Variants in FEZ2 observed in about 807,000 individuals in gnomAD.
The protein encoded by FEZ2 is fasciculation and elongation protein zeta-2.
FEZ2 carries 51 observed loss-of-function variants against 40.4 expected under a neutral mutation model. The observed-to-expected ratio is 1.26, with a 90% CI of 1.01 to 1.59. The LOEUF (loss-of-function observed/expected upper bound fraction) is 1.59, where lower values mean the gene tolerates loss of function less well. Ranked by LOEUF, FEZ2 falls within the 40% of genes most tolerant of loss-of-function variation. The pLI, the probability that FEZ2 is intolerant of heterozygous loss-of-function variation, is 0.00. For synonymous variants in FEZ2, 242 were observed against 172.0 expected, an observed-to-expected ratio of 1.41 and a Z score of -3.18; for missense variants, 640 against 438.3, an observed-to-expected ratio of 1.46 and a Z score of -4.11.
intron 7 of FEZ2, 75 bp from the exon 8 acceptor site, chr2:36,553,254 T>A: frequency 9.1e-7 from 1 of 1,103,730 alleles, no homozygotes. Context: ...ATTTTACATG[T>A]ACATTTAAAA....
At chr2:36,580,838 AT>A (rs988234633) in intron 4 of FEZ2, among the ~76,000 whole-genome samples, 5 of 152,174 alleles carry the variant, frequency 3.3e-5, no homozygotes, top group Non-Finnish European at 7.3e-5. Flanking sequence ...CCCTAATCCA[AT>A]ATGATTGCTG....
Position 36,578,496 on chromosome 2 carries a change from T to TGCC in FEZ2, c.903+98_903+100dup, listed in dbSNP as rs1668638821. On this transcript the variant is annotated intron_variant, in intron 5 of 7. Transcript: ENST00000405912. ...CTCTGATTAGAAGTGTTAACACTCC[T>TGCC]GCCCATGTACAACCTGTCGCACCTG... 4 of 1,191,880 alleles carry TGCC rather than the reference T, an allele frequency of 3.4e-6. No homozygotes were observed. The African/African-American group carries it at 4.6e-5, about 14-fold the overall frequency. 73.8% of individuals were successfully genotyped at this position (1,191,880 alleles called of 1,614,324 possible).
At chr2:36,580,182 C>T (rs1357127560) in intron 4 of FEZ2, among the ~76,000 whole-genome samples, 2 of 152,208 alleles carry the variant, frequency 1.3e-5, no homozygotes, top group African/African-American at 4.8e-5. Flanking sequence ...CAAACCAATA[C>T]AGATTTTAGT....
chr2:36,584,374 C>T (rs2125237866), intron 2 of FEZ2, among the ~76,000 whole-genome samples: 1 of 152,324 alleles, frequency 6.6e-6, no homozygotes, highest in East Asian at 1.9e-4. Context: ...TGGGGGATTG[C>T]ACCACATCAA....
Position 36,552,526 on chromosome 2 carries a change from A to G in FEZ2, c.*637T>C. 4.2e-6 allele frequency: 1 copy of G among 240,302 alleles called. No individual in the cohort carries two copies. The highest frequency in any genetic ancestry group is 4.9e-5 in the South Asian group (1 of 20,552). The allele number at this position is 240,302 out of a possible 1,614,324, so 14.9% of individuals were successfully genotyped here. A position where few individuals can be genotyped will look rare whatever the true frequency, so the allele number is the denominator to read the frequency against. On this transcript the variant is annotated 3_prime_UTR_variant, in exon 8 of 8. Coordinates refer to ENST00000405912, the MANE Select transcript of FEZ2 (RefSeq NM_005102.3). ...TTGAAAATCAAAACTTAAATACAAG[A>G]TTCTAAAAGTGAATGGCAATTTAAT...
At chr2:36,597,622 A>C (rs2148356135) in intron 1 of FEZ2, among the ~76,000 whole-genome samples, 1 of 151,946 alleles carries the variant, frequency 6.6e-6, no homozygotes, top group East Asian at 1.9e-4. Context: ...TCTAATACAA[A>C]CGAGGGTTTG....
chr2:36,564,516 G>A (rs1668179085), intron 5 of FEZ2, among the ~76,000 whole-genome samples: 3 of 152,022 alleles, frequency 2.0e-5, no homozygotes, highest in Non-Finnish European at 1.5e-5. Context: ...CAGCATAAGG[G>A]GGCACAAAAA....
chr2:36,592,587 C>T (rs1404996773), intron 1 of FEZ2, among the ~76,000 whole-genome samples: 1 of 142,728 alleles, frequency 7.0e-6, no homozygotes, highest in African/African-American at 2.6e-5. Flanking sequence ...GGGAGGATTG[C>T]TTGAAGCCAG....
At chr2:36,566,945 G>GACACAC (rs35402959) in intron 5 of FEZ2, among the ~76,000 whole-genome samples, 12 of 150,782 alleles carry the variant, frequency 8.0e-5, no homozygotes, top group African/African-American at 2.7e-4. Context: ...CATACGCATA[G>GACACAC]ACACACACAC....
At chr2:36,586,784 A>G (rs1179947767) in intron 2 of FEZ2, among the ~76,000 whole-genome samples, 2 of 152,128 alleles carry the variant, frequency 1.3e-5, no homozygotes, top group Admixed American at 6.6e-5. Context: ...CTACAGAAAT[A>G]TATTTTCTTA....
intron 1 of FEZ2, among the ~76,000 whole-genome samples, chr2:36,596,279 G>T (rs567380789): frequency 1.3e-5 from 2 of 152,304 alleles, no homozygotes; most frequent in East Asian, 3.9e-4. Context: ...CACTCCCAAG[G>T]CTGTCTTTAC....
chr2:36,566,747 C>G (rs1462637047), intron 5 of FEZ2, among the ~76,000 whole-genome samples: 1 of 152,190 alleles, frequency 6.6e-6, no homozygotes, highest in Non-Finnish European at 1.5e-5. Context: ...GATCTGGGTT[C>G]TTTCCCAGCT....
chr2:36,563,720 A>T (rs941183046), intron 5 of FEZ2, among the ~76,000 whole-genome samples: 1 of 151,932 alleles, frequency 6.6e-6, no homozygotes, highest in East Asian at 1.9e-4. Context: ...TTCCTTTCCC[A>T]AGGTTTTCCT....
intron 6 of FEZ2, chr2:36,557,762 A>G (rs1044384174): frequency 2.0e-5 from 3 of 152,150 alleles, no homozygotes; most frequent in African/African-American, 7.2e-5. Flanking sequence ...ATCCCTGAAA[A>G]TAACAGGGAT....
At chr2:36,588,942 T>C (rs766055633) in intron 2 of FEZ2, among the ~76,000 whole-genome samples, 53 of 152,350 alleles carry the variant, frequency 3.5e-4, no homozygotes, top group Non-Finnish European at 6.2e-4. Context: ...AACTCTTCTA[T>C]GCTATTTTTT....
intron 3 of FEZ2, among the ~76,000 whole-genome samples, chr2:36,582,696 C>T (rs1216319177): frequency 1.3e-5 from 2 of 152,202 alleles, no homozygotes; most frequent in Non-Finnish European, 2.9e-5. Context: ...CCAAGCTTGC[C>T]ATAATGTATC....
In FEZ2 at chr2:36,578,717, A is replaced by G. The variant is rs1184399434; in HGVS notation, c.783T>C (p.Ser261=). The G allele has an allele frequency of 6.2e-7, 1 of 1,613,934 alleles. No homozygotes were observed. The highest frequency in any genetic ancestry group is 1.3e-5 in the African/African-American group (1 of 75,002). ...FEKEVKNSFI[S]VLIEVQNKQK... ...GTTTGTTTTGCACTTCAATAAGAACAGAAATAAAGCTGTTTTTCACTTCCT... is the reference window on the plus strand; with the variant it reads ...GTTTGTTTTGCACTTCAATAAGAACGGAAATAAAGCTGTTTTTCACTTCCT... Residue 261 remains serine, a synonymous_variant, in exon 5 of 8, where the codon TCT becomes TCC. Transcript: ENST00000405912.
intron 6 of FEZ2, chr2:36,557,680 G>A (rs929686570): frequency 6.6e-6 from 1 of 151,978 alleles, no homozygotes; most frequent in African/African-American, 2.4e-5. Flanking sequence ...TTTACTGTGA[G>A]GTAAATAGAA....
intron 5 of FEZ2, 80 bp from the exon 6 acceptor site, chr2:36,558,593 G>C: frequency 1.4e-6 from 1 of 713,328 alleles, no homozygotes; most frequent in Non-Finnish European, 2.2e-6. Flanking sequence ...TTACTAGAAG[G>C]TCTATCTGAT....
Sources: allele counts gnomAD v4.1 joint callset (sites outside exome capture counted in the v4.1 genomes callset), GRCh38; gene constraint gnomAD v4.1.1; transcripts MANE v1.5; gene names NCBI Gene and HGNC (gene_info 2026-07-23, HGNC 2026-07-21).